The following COL14A1 variants were observed in gnomAD, a reference collection of about 807,000 sequenced individuals.
The protein encoded by COL14A1 is collagen type XIV alpha 1 chain.
Under a neutral mutation model 230.3 loss-of-function variants are expected in COL14A1, and 136 were observed. The ratio of observed to expected loss-of-function variants is 0.59; its 90% CI spans 0.51 to 0.68. The LOEUF is 0.68. Ranked by LOEUF, COL14A1 falls within the 30% of genes least tolerant of loss-of-function variation. COL14A1 has a pLI of 0.00. For missense variants in COL14A1, 1,976 were observed against 2,215.8 expected (o/e 0.89, Z 2.17); for synonymous variants, 792 against 784.1 (o/e 1.01, Z -0.17).
At chr8:120,323,179 T>A (rs1221188742) in intron 40 of COL14A1, among the ~76,000 whole-genome samples, 1 of 152,090 alleles carries the variant, frequency 6.6e-6, no homozygotes, top group Non-Finnish European at 1.5e-5. Context: ...GATGTTGAGC[T>A]TTTTTTTCAT....
chr8:120,354,716 T>G (rs1822916260), intron 45 of COL14A1, among the ~76,000 whole-genome samples: 1 of 152,188 alleles, frequency 6.6e-6, no homozygotes, highest in African/African-American at 2.4e-5. Context: ...TTCTTAAAAT[T>G]TAAGGATTCT....
At chr8:120,169,559 A>G (rs1162685230) in intron 5 of COL14A1, among the ~76,000 whole-genome samples, 2 of 152,022 alleles carry the variant, frequency 1.3e-5, no homozygotes, top group Admixed American at 6.6e-5. Flanking sequence ...ACACATAAAA[A>G]CTTTCTAAAT....
At chr8:120,152,205 T>C (rs1014748735) in intron 2 of COL14A1, among the ~76,000 whole-genome samples, 3 of 152,092 alleles carry the variant, frequency 2.0e-5, no homozygotes, top group Non-Finnish European at 4.4e-5. Context: ...CTCACGTCTG[T>C]AATCCCAGCA....
intron 40 of COL14A1, among the ~76,000 whole-genome samples, chr8:120,331,428 C>T (rs1821861272): frequency 6.6e-6 from 1 of 152,152 alleles, no homozygotes; most frequent in Non-Finnish European, 1.5e-5. Context: ...CAATTAAGAG[C>T]TATAAACATT....
In COL14A1 at chr8:120,367,267, C is replaced by G. The variant is rs753417475; in HGVS notation, c.5155+19C>G. 6.4e-7 allele frequency: 1 copy of G among 1,573,866 alleles called. No individual in the cohort carries two copies. Among genetic ancestry groups the G allele is most frequent in the Non-Finnish European group, 8.7e-7 (1 of 1,151,684 alleles). ...CCAGCAGGTAAATCTTCCTTCCTAA[C>G]AAGAGACTGCAAATGTATATTTTTA... is the stretch of plus-strand genomic sequence containing the variant. On this transcript the variant is annotated intron_variant, in intron 46 of 47. Transcript: ENST00000297848.
At chr8:120,326,925 C>CT (rs1821691553) in intron 40 of COL14A1, among the ~76,000 whole-genome samples, 1 of 152,092 alleles carries the variant, frequency 6.6e-6, no homozygotes. Context: ...ACTCAGGAGG[C>CT]TGAGGCAGGA....
At chr8:120,164,020 T>A (rs1336105934) in intron 4 of COL14A1, among the ~76,000 whole-genome samples, 1 of 152,162 alleles carries the variant, frequency 6.6e-6, no homozygotes, top group East Asian at 1.9e-4. Context: ...ATAAAAATTT[T>A]GTATTGTGAA....
chr8:120,226,758 A>G lies in COL14A1; in HGVS notation c.1996A>G (p.Thr666Ala). The part of the protein sequence containing the change: ...LMWIPVYGGK[T>A]EEVVLKEEQD... ...GTGGATTCCAGTCTATGGGGGGAAG[A>G]CTGAGGAGGTGAGTTTTCTGAAACA... The change falls in exon 16 of 48, where the codon ACT becomes GCT. Residue 666 changes from threonine (T) to alanine (A), a missense_variant. Around this residue, in one of 3 missense-constraint regions of COL14A1, gnomAD observed 1,791 missense variants for 2,019.5 expected, o/e 0.89. Coordinates refer to ENST00000297848, the MANE Select transcript of COL14A1 (RefSeq NM_021110.4). 6.2e-7 allele frequency: 1 copy of G among 1,613,212 alleles called. No homozygotes were observed. The highest frequency in any genetic ancestry group is 8.5e-7 in the Non-Finnish European group (1 of 1,179,504).
intron 21 of COL14A1, among the ~76,000 whole-genome samples, chr8:120,250,223 A>G (rs1031082786): frequency 1.3e-5 from 2 of 152,218 alleles, no homozygotes; most frequent in Non-Finnish European, 2.9e-5. Flanking sequence ...AAAATTTGCT[A>G]TGACTGCCGC....
Position 120,165,233 on chromosome 8 carries a change from C to T in COL14A1, c.349+2664C>T, listed in dbSNP as rs190789889. 2.4e-3 allele frequency among the ~76,000 whole-genome samples: 368 copies of T among 152,288 alleles called. 13 individuals carry two copies. Among genetic ancestry groups the T allele is most frequent in the Admixed American group, 0.021 (322 of 15,292 alleles). On this transcript the variant is annotated intron_variant, in intron 4 of 47. Coordinates refer to ENST00000297848, the MANE Select transcript of COL14A1 (RefSeq NM_021110.4). ...CTGTGAGACAGAGCTAAAGCCTAGT[C>T]TCCTCTTCCTAGAAAACTTTCGTGG...
chr8:120,327,835 G>A (rs944350801), intron 40 of COL14A1, among the ~76,000 whole-genome samples: 4 of 151,488 alleles, frequency 2.6e-5, no homozygotes, highest in African/African-American at 9.7e-5. Flanking sequence ...TGCAATCTTG[G>A]CTCACTGCAA....
At chr8:120,204,053 G>A (rs894122929) in intron 9 of COL14A1, among the ~76,000 whole-genome samples, 183 bp downstream of exon 9, 2 of 151,978 alleles carry the variant, frequency 1.3e-5, no homozygotes, top group Non-Finnish European at 2.9e-5. Flanking sequence ...GTGAAGGAGG[G>A]ACTCTTTAAA....
rs183710190 is a variant in COL14A1, at chr8:120,184,213, G to T, written c.437-12578G>T. Among the ~76,000 whole-genome samples, 538 of 145,106 alleles carry T rather than the reference G, an allele frequency of 3.7e-3. 2 individuals are homozygous for T. Among genetic ancestry groups the T allele is most frequent in the African/African-American group, 8.9e-3 (347 of 38,834 alleles). On this transcript the variant is annotated intron_variant, in intron 5 of 47. Transcript: ENST00000297848. The stretch of plus-strand genomic sequence containing the variant: ...GAGATGTGTTTGTGGTGTGTGTGTG[G>T]GGGGGGAAGAGATTTATTTATTTAT...
intron 14 of COL14A1, among the ~76,000 whole-genome samples, chr8:120,221,560 GCA>G (rs142408225): frequency 1.2e-3 from 177 of 149,278 alleles, no homozygotes; most frequent in African/African-American, 3.3e-3. Context: ...ACACACACAT[GCA>G]CACACACACA....
At chr8:120,292,944 G>A (rs74398930) in intron 34 of COL14A1, among the ~76,000 whole-genome samples, 2,645 of 152,144 alleles carry the variant, frequency 0.017, 79 homozygotes, top group African/African-American at 0.059. Context: ...ATGCAAGATT[G>A]TATAGGCAGT....
intron 16 of COL14A1, 109 bp downstream of exon 16, chr8:120,226,875 A>T: frequency 1.0e-6 from 1 of 988,466 alleles, no homozygotes; most frequent in Non-Finnish European, 1.5e-6. Context: ...AGAAGTAATT[A>T]GTATTTTACA....
intron 26 of COL14A1, among the ~76,000 whole-genome samples, chr8:120,275,005 A>C (rs1167342220): frequency 6.6e-6 from 1 of 151,896 alleles, no homozygotes; most frequent in Non-Finnish European, 1.5e-5. Context: ...TGAAATTCAT[A>C]TGGAACCCAA....
At chr8:120,369,001 T>C (rs1338801485) in intron 46 of COL14A1, among the ~76,000 whole-genome samples, 2 of 152,166 alleles carry the variant, frequency 1.3e-5, no homozygotes, top group Admixed American at 6.5e-5. Flanking sequence ...AGGAACTGCA[T>C]TGGGAAACAA....
chr8:120,159,746 C>T (rs1161603218), intron 3 of COL14A1, among the ~76,000 whole-genome samples: 1 of 152,082 alleles, frequency 6.6e-6, no homozygotes, highest in Non-Finnish European at 1.5e-5. Context: ...GGCTGGAGTG[C>T]AGAGGTGCAA....
Sources: allele counts gnomAD v4.1 joint callset (sites outside exome capture counted in the v4.1 genomes callset), GRCh38; gene constraint gnomAD v4.1.1; regional missense constraint gnomAD v4.1.1; transcripts MANE v1.5; gene names NCBI Gene and HGNC (gene_info 2026-07-23, HGNC 2026-07-21).